GRIN2B: variants seen among roughly 807,000 people sequenced by gnomAD.
GRIN2B encodes glutamate ionotropic receptor NMDA type subunit 2B.
Under a neutral mutation model 114.5 loss-of-function variants are expected in GRIN2B, and 5 were observed. The ratio of observed to expected loss-of-function variants is 0.04; its 90% CI spans 0.02 to 0.09. GRIN2B has a LOEUF of 0.09. Among genes scored for constraint, GRIN2B ranks in the 10% least tolerant of loss-of-function variants. GRIN2B has a pLI of 1.00. For synonymous variants in GRIN2B, 787 were observed against 745.1 expected, an observed-to-expected ratio of 1.06 and a Z score of -0.92; for missense variants, 1,108 against 1,943.5, an observed-to-expected ratio of 0.57 and a Z score of 8.08.
At chr12:13,927,966 CA>C (rs57736516) in intron 2 of GRIN2B, among the ~76,000 whole-genome samples, 3,189 of 37,610 alleles carry the variant, frequency 0.085, 174 homozygotes, top group Middle Eastern at 0.13. Context: ...GACCCTGTCT[CA>C]AAAAAAAAAA....
intron 2 of GRIN2B, among the ~76,000 whole-genome samples, chr12:13,881,289 C>T (rs927533488): frequency 6.6e-6 from 1 of 152,152 alleles, no homozygotes; most frequent in Non-Finnish European, 1.5e-5. Flanking sequence ...TCCACCTCAA[C>T]ACTTAATCTC....
intron 2 of GRIN2B, among the ~76,000 whole-genome samples, chr12:13,979,546 G>T (rs1357675442): frequency 7.1e-6 from 1 of 140,096 alleles, no homozygotes; most frequent in Non-Finnish European, 1.6e-5. Context: ...AAAAAAAAAA[G>T]GATTTCTAGA....
At chr12:13,789,222 G>A (rs140791938) in intron 3 of GRIN2B, among the ~76,000 whole-genome samples, 183 of 152,296 alleles carry the variant, frequency 1.2e-3, no homozygotes, top group African/African-American at 4.3e-3. Context: ...CCATGCCAGA[G>A]TATCAGAATA....
rs1364328023 is a variant in GRIN2B, at chr12:13,725,821, G to C, written c.1010+27496C>G. ...AAGTTCTGATGCTGCCAGAATGAAG[G>C]AGCCCAGAAATCAGAGCAGGACACA... On this transcript the variant is annotated intron_variant, in intron 4 of 13. Coordinates refer to ENST00000609686, the MANE Select transcript of GRIN2B (RefSeq NM_000834.5). Among the ~76,000 whole-genome samples, 5 of 152,058 alleles carry C rather than the reference G, an allele frequency of 3.3e-5. No individual in the cohort carries two copies. In the East Asian group the frequency reaches 9.7e-4, roughly 29 times the overall value.
At chr12:13,960,608 C>G (rs1867671411) in intron 2 of GRIN2B, among the ~76,000 whole-genome samples, 1 of 152,148 alleles carries the variant, frequency 6.6e-6, no homozygotes, top group African/African-American at 2.4e-5. Context: ...ACCTAAGAAA[C>G]AGGGACCCCA....
At chr12:13,849,190 C>CAGGACAAGA (rs1381092822) in intron 3 of GRIN2B, among the ~76,000 whole-genome samples, 1 of 151,808 alleles carries the variant, frequency 6.6e-6, no homozygotes, top group African/African-American at 2.4e-5. Flanking sequence ...AGCAGGCAAG[C>CAGGACAAGA]AGGACAAGAA....
chr12:13,902,899 A>G (rs114951288), intron 2 of GRIN2B, among the ~76,000 whole-genome samples: 1,896 of 152,298 alleles, frequency 0.012, 45 homozygotes, highest in African/African-American at 0.043. Context: ...ACTTTTTTAG[A>G]AAGATTTCTA....
At chr12:13,858,813 T>C (rs548911439) in intron 3 of GRIN2B, among the ~76,000 whole-genome samples, 22 of 152,336 alleles carry the variant, frequency 1.4e-4, no homozygotes, top group Non-Finnish European at 2.4e-4. Context: ...TCACTTTATG[T>C]CTCTGCTTTG....
chr12:13,589,330 A>C (rs149170407), intron 10 of GRIN2B, among the ~76,000 whole-genome samples: 1 of 152,182 alleles, frequency 6.6e-6, no homozygotes, highest in African/African-American at 2.4e-5. Context: ...GTAGAATCCA[A>C]GTTGAACAAG....
intron 4 of GRIN2B, among the ~76,000 whole-genome samples, chr12:13,719,630 C>T (rs1444542055): frequency 1.3e-5 from 2 of 152,012 alleles, no homozygotes; most frequent in East Asian, 1.9e-4. Flanking sequence ...GTTCACTGAA[C>T]ATGAAACTTG....
At chr12:13,849,770 G>A (rs113690763) in intron 3 of GRIN2B, among the ~76,000 whole-genome samples, 6 of 152,076 alleles carry the variant, frequency 3.9e-5, no homozygotes, top group Non-Finnish European at 5.9e-5. Flanking sequence ...TATCATTACC[G>A]ACAAATACAC....
intron 2 of GRIN2B, among the ~76,000 whole-genome samples, chr12:13,916,074 C>CA (rs1866714145): frequency 6.6e-6 from 1 of 152,024 alleles, no homozygotes; most frequent in Non-Finnish European, 1.5e-5. Context: ...GGCACCTAAG[C>CA]AAAAACCAGA....
At chr12:13,854,119 G>C (rs1865617771) in intron 3 of GRIN2B, among the ~76,000 whole-genome samples, 2 of 152,216 alleles carry the variant, frequency 1.3e-5, no homozygotes, top group Admixed American at 1.3e-4. Context: ...TGAGGACCTT[G>C]GGTGAGGAGT....
chr12:13,685,471 G>A (rs1298061066), intron 4 of GRIN2B, among the ~76,000 whole-genome samples: 1 of 152,196 alleles, frequency 6.6e-6, no homozygotes, highest in East Asian at 1.9e-4. Flanking sequence ...TTCAAGTGAA[G>A]ATTTATAGAA....
intron 4 of GRIN2B, among the ~76,000 whole-genome samples, chr12:13,711,168 T>G (rs1950410828): frequency 6.6e-6 from 1 of 152,002 alleles, no homozygotes; most frequent in African/African-American, 2.4e-5. Flanking sequence ...GAAAACTGGC[T>G]AGCCATATGT....
chr12:13,946,636 G>T (rs963380289), intron 2 of GRIN2B, among the ~76,000 whole-genome samples: 11 of 151,968 alleles, frequency 7.2e-5, no homozygotes, highest in African/African-American at 1.9e-4. Flanking sequence ...TCTGGATTGA[G>T]ATAGTGTTAC....
At chr12:13,893,753 T>C (rs1866307659) in intron 2 of GRIN2B, among the ~76,000 whole-genome samples, 1 of 152,066 alleles carries the variant, frequency 6.6e-6, no homozygotes, top group South Asian at 2.1e-4. Context: ...TAAACAATGA[T>C]TTCGAAGAAC....
chr12:13,809,271 C>G (rs1308043939), intron 3 of GRIN2B, among the ~76,000 whole-genome samples: 2 of 152,162 alleles, frequency 1.3e-5, no homozygotes, highest in Non-Finnish European at 2.9e-5. Context: ...CACTTCAGCT[C>G]TTTATGAGAC....
At position 13,837,349 on chromosome 12, in the gene GRIN2B, C is replaced by T. The variant is rs1049492856; in HGVS notation, c.411+28449G>A. 3.9e-5 allele frequency among the ~76,000 whole-genome samples: 6 copies of T among 152,320 alleles called. No homozygotes were observed. The South Asian group carries it at 1.0e-3, about 26-fold the overall frequency. On this transcript the variant is annotated intron_variant, in intron 3 of 13. Coordinates refer to ENST00000609686, the MANE Select transcript of GRIN2B (RefSeq NM_000834.5). ...GCATGTCCTGGCCCAAACCACAGTC[C>T]CCCTGAGTCCTGCATTTCTGCACTT...
Sources: gnomAD v4.1 joint callset for allele counts (sites outside exome capture counted in the v4.1 genomes callset) on GRCh38, gnomAD v4.1.1 for gene constraint, MANE v1.5 for transcripts, NCBI Gene and HGNC (gene_info 2026-07-23, HGNC 2026-07-21) for gene names.